SMYD3: variants seen among roughly 807,000 people sequenced by gnomAD.
SMYD3 encodes the protein SET and MYND domain containing 3.
Under a neutral mutation model 57.7 loss-of-function variants are expected in SMYD3, and 36 were observed. The ratio of observed to expected loss-of-function variants is 0.62; its 90% CI spans 0.48 to 0.82. The LOEUF is 0.82. SMYD3 is among the 40% of genes least tolerant of loss of function. The pLI is 0.00. For synonymous variants in SMYD3, 211 were observed against 195.0 expected (o/e 1.08, Z -0.68); for missense variants, 515 against 538.8 (o/e 0.96, Z 0.44).
intron 1 of SMYD3, among the ~76,000 whole-genome samples, chr1:246,409,794 C>A (rs1163117205): frequency 1.3e-5 from 2 of 152,136 alleles, no homozygotes; most frequent in Non-Finnish European, 2.9e-5. Flanking sequence ...GATATTGATT[C>A]TTCCTACCCA....
intron 5 of SMYD3, among the ~76,000 whole-genome samples, chr1:245,936,311 C>G (rs559098255): frequency 4.0e-4 from 61 of 151,458 alleles, no homozygotes; most frequent in African/African-American, 1.3e-3. Context: ...CAAGACATCT[C>G]TAATATTTGA....
chr1:245,759,771 A>AT (rs75766490), intron 11 of SMYD3, among the ~76,000 whole-genome samples: 127 of 152,282 alleles, frequency 8.3e-4, no homozygotes, highest in South Asian at 3.9e-3. Flanking sequence ...TTAAATACAG[A>AT]TTTTTTTAAA....
chr1:246,034,641 ATGGC>A (rs1174950614), intron 5 of SMYD3: 1 of 155,364 alleles, frequency 6.4e-6, no homozygotes, highest in Non-Finnish European at 1.4e-5. Flanking sequence ...GGAGGTGAGC[ATGGC>A]TGGGGGCAAA....
intron 5 of SMYD3, among the ~76,000 whole-genome samples, chr1:246,139,471 C>A (rs558785208): frequency 6.6e-6 from 1 of 152,178 alleles, no homozygotes. Flanking sequence ...TATCAATTCC[C>A]TATTTTCCAG....
intron 1 of SMYD3, chr1:246,483,839 G>A (rs2068145636): frequency 6.6e-6 from 1 of 152,090 alleles, no homozygotes; most frequent in South Asian, 2.1e-4. Flanking sequence ...GTCATTTTGT[G>A]GTTAATTCCA....
chr1:245,775,625 T>C (rs1358725237), intron 10 of SMYD3, among the ~76,000 whole-genome samples: 1 of 151,402 alleles, frequency 6.6e-6, no homozygotes, highest in Non-Finnish European at 1.5e-5. Context: ...TTTGTTCACC[T>C]GTTTATCTGC....
intron 5 of SMYD3, chr1:246,326,271 A>G: frequency 1.8e-6 from 1 of 550,812 alleles, no homozygotes; most frequent in East Asian, 3.1e-5. Context: ...TGTGATCAAC[A>G]TTAAAACAAA....
At chr1:245,813,478 G>A (rs965331456) in intron 10 of SMYD3, among the ~76,000 whole-genome samples, 1 of 152,120 alleles carries the variant, frequency 6.6e-6, no homozygotes, top group African/African-American at 2.4e-5. Flanking sequence ...CTATGCTACA[G>A]AATCAAATCA....
At chr1:245,869,777 C>T (rs1044961201) in intron 8 of SMYD3, among the ~76,000 whole-genome samples, 1 of 152,242 alleles carries the variant, frequency 6.6e-6, no homozygotes. Context: ...CTAAAATCGC[C>T]ATCCTGTGGC....
intron 5 of SMYD3, among the ~76,000 whole-genome samples, chr1:246,030,769 C>T (rs1282950507): frequency 3.9e-5 from 6 of 152,182 alleles, no homozygotes; most frequent in East Asian, 1.9e-4. Flanking sequence ...ACACAAATTA[C>T]GTTATTTACT....
At chr1:246,501,324 A>C (rs1462946549) in intron 1 of SMYD3, among the ~76,000 whole-genome samples, 1 of 152,182 alleles carries the variant, frequency 6.6e-6, no homozygotes, top group African/African-American at 2.4e-5. Flanking sequence ...CTTTGCTGAA[A>C]CTATTCATGC....
intron 8 of SMYD3, among the ~76,000 whole-genome samples, chr1:245,874,066 T>C (rs570602447): frequency 4.6e-5 from 7 of 152,238 alleles, no homozygotes; most frequent in African/African-American, 1.7e-4. Context: ...GGGTTTGTGA[T>C]TGTGCAACAA....
intron 10 of SMYD3, among the ~76,000 whole-genome samples, chr1:245,771,875 GA>G (rs923491093): frequency 6.6e-6 from 1 of 150,892 alleles, no homozygotes; most frequent in African/African-American, 2.4e-5. Flanking sequence ...AACCAAAGGG[GA>G]AAAAAAAAGA....
rs554291248 is a variant in SMYD3, at chr1:246,413,501, A to G, written c.165-58407T>C. ...AGGATGCATGATATAGTTTGAATAT[A>G]CGTCCCCACCAAATCTCACGCTGAA... On this transcript the variant is annotated intron_variant, in intron 1 of 11. Coordinates refer to ENST00000490107, the MANE Select transcript of SMYD3 (RefSeq NM_001167740.2). Among the ~76,000 whole-genome samples, 34 of 152,290 alleles carry G rather than the reference A, an allele frequency of 2.2e-4. 1 individual carries two copies. The East Asian group carries it at 4.0e-3, about 18-fold the overall frequency.
intron 8 of SMYD3, among the ~76,000 whole-genome samples, chr1:245,877,693 C>T (rs1228031052): frequency 6.6e-6 from 1 of 152,168 alleles, no homozygotes; most frequent in Non-Finnish European, 1.5e-5. Flanking sequence ...CATCTGGCTT[C>T]AGTGGCTGAG....
chr1:246,142,121 T>C (rs2061767063), intron 5 of SMYD3, among the ~76,000 whole-genome samples: 3 of 152,146 alleles, frequency 2.0e-5, no homozygotes, highest in Admixed American at 2.0e-4. Context: ...CCCTTACCCT[T>C]AGGGGATACA....
chr1:246,410,911 G>T (rs1402841314), intron 1 of SMYD3, among the ~76,000 whole-genome samples: 8 of 152,200 alleles, frequency 5.3e-5, no homozygotes, highest in Non-Finnish European at 1.0e-4. Context: ...GAGTGTATGT[G>T]TCGAGCAATT....
intron 2 of SMYD3, among the ~76,000 whole-genome samples, chr1:246,337,859 C>A (rs2065570207): frequency 2.0e-5 from 3 of 152,182 alleles, no homozygotes; most frequent in South Asian, 4.1e-4. Context: ...AAACGTACAC[C>A]AGATAATGAA....
At chr1:246,151,245 CA>C (rs36099985) in intron 5 of SMYD3, among the ~76,000 whole-genome samples, 39,847 of 132,534 alleles carry the variant, frequency 0.3, 6,768 homozygotes, top group African/African-American at 0.49. Context: ...GACTCTGTCT[CA>C]AAAAAAAAAA....
Sources: gnomAD v4.1 joint callset for allele counts (sites outside exome capture counted in the v4.1 genomes callset) on GRCh38, gnomAD v4.1.1 for gene constraint, MANE v1.5 for transcripts, NCBI Gene and HGNC (gene_info 2026-07-23, HGNC 2026-07-21) for gene names.